Variants in TRIP12 observed in about 807,000 individuals in gnomAD.
The protein encoded by TRIP12 is E3 ubiquitin-protein ligase TRIP12.
Under a neutral mutation model 244.2 loss-of-function variants are expected in TRIP12, and 25 were observed. The ratio of observed to expected loss-of-function variants is 0.10; its 90% CI spans 0.07 to 0.14. The LOEUF (loss-of-function observed/expected upper bound fraction) is 0.14, where lower values mean the gene tolerates loss of function less well. TRIP12 is among the 10% of genes least tolerant of loss of function. The pLI is 1.00. For synonymous variants in TRIP12, 905 were observed against 873.1 expected (o/e 1.04, Z -0.64); for missense variants, 1,677 against 2,486.4 (o/e 0.67, Z 6.92).
Position 229,798,920 on chromosome 2 carries a change from C to T in TRIP12, c.3437G>A (p.Ser1146Asn). The T allele has an allele frequency of 6.2e-7, 1 of 1,614,204 alleles. No homozygotes were observed. The change falls in exon 23 of 42, where the codon AGT (serine) becomes AAT (asparagine). Residue 1146 changes from serine (S) to asparagine (N), a missense_variant. Ser to Asn is a conservative substitution (Grantham distance 46). Transcript: ENST00000675903. ...CTTTGAGGCAGCCCTGGCAAGGCCA[C>T]TACCTCCCGCAGTCCGTGCTGGCTC... ...NIEPARTAGG[S>N]GLARAASKDT...
intron 4 of TRIP12, among the ~76,000 whole-genome samples, chr2:229,841,880 A>G (rs2056500970): frequency 2.0e-5 from 3 of 152,230 alleles, no homozygotes; most frequent in South Asian, 2.1e-4. Context: ...AAGCAGCAGT[A>G]AAAGAACTGG....
At chr2:229,808,436 A>C (rs2046415363) in intron 15 of TRIP12, 67 bp from the exon 16 acceptor site, 2 of 997,610 alleles carry the variant, frequency 2.0e-6, no homozygotes, top group Non-Finnish European at 3.1e-6. Flanking sequence ...TCAAAGGCAA[A>C]CATTGCCCAA....
intron 1 of TRIP12, among the ~76,000 whole-genome samples, chr2:229,911,632 C>G (rs1285795235): frequency 6.6e-6 from 1 of 152,114 alleles, no homozygotes; most frequent in Non-Finnish European, 1.5e-5. Flanking sequence ...TGATGGTATG[C>G]TAATTACCCT....
rs536902635 is a variant in TRIP12 at position 229,793,069 on chromosome 2, G to A, written c.4045C>T (p.Pro1349Ser). The A allele has an allele frequency of 1.9e-6, 3 of 1,613,882 alleles. No individual in the cohort carries two copies. The highest frequency in any genetic ancestry group is 1.7e-6 in the Non-Finnish European group (2 of 1,179,892). ...HQLKCQLQRHPDCANVKQWKG... is the reference protein window; with the variant it reads ...HQLKCQLQRHSDCANVKQWKG... Reference sequence around the variant, plus strand: ...CACTGCTTCACATTTGCACAGTCTGGATGCCTTTGTAACTGGCATTTTAAT... The same window carrying A: ...CACTGCTTCACATTTGCACAGTCTGAATGCCTTTGTAACTGGCATTTTAAT... The change falls in exon 27 of 42, where the codon CCA becomes TCA. Residue 1349 changes from proline (P) to serine (S), a missense_variant. This residue lies in a region of TRIP12 where 265 missense variants were observed against 370.8 expected (regional missense o/e 0.71). Coordinates refer to ENST00000675903, the MANE Select transcript of TRIP12 (RefSeq NM_001348323.3).
At chr2:229,872,964 A>G (rs2062949238) in intron 2 of TRIP12, among the ~76,000 whole-genome samples, 1 of 152,236 alleles carries the variant, frequency 6.6e-6, no homozygotes, top group Non-Finnish European at 1.5e-5. Context: ...TATCAGCTAA[A>G]CCAATTAAAA....
At chr2:229,780,626 A>G (rs1559352777) in intron 34 of TRIP12, among the ~76,000 whole-genome samples, 3 of 151,942 alleles carry the variant, frequency 2.0e-5, no homozygotes, top group Non-Finnish European at 4.4e-5. Flanking sequence ...TCATCCTCCA[A>G]CAGGCTAGGA....
At chr2:229,909,557 TA>T (rs770353018) in intron 1 of TRIP12, among the ~76,000 whole-genome samples, 1,460 of 121,284 alleles carry the variant, frequency 0.012, 7 homozygotes, top group African/African-American at 0.025. Context: ...AGACCTTGTC[TA>T]AAAAAAAAAA....
At chr2:229,899,771 G>C (rs1303914576) in intron 1 of TRIP12, among the ~76,000 whole-genome samples, 2 of 152,170 alleles carry the variant, frequency 1.3e-5, no homozygotes, top group African/African-American at 4.8e-5. Flanking sequence ...GAGGCAAAAA[G>C]GGAGTTCTAG....
chr2:229,800,913 A>C (rs1252412556), intron 21 of TRIP12, among the ~76,000 whole-genome samples: 1 of 152,164 alleles, frequency 6.6e-6, no homozygotes, highest in Non-Finnish European at 1.5e-5. Flanking sequence ...TCTTTTTGAA[A>C]AAAAGAAAAA....
intron 34 of TRIP12, 89 bp downstream of exon 34, chr2:229,785,668 T>C: frequency 2.4e-6 from 3 of 1,232,324 alleles, no homozygotes; most frequent in Non-Finnish European, 3.4e-6. Context: ...CAACTGTCTT[T>C]CAGAATTTCA....
At chr2:229,866,681 C>T (rs9288651) in intron 2 of TRIP12, among the ~76,000 whole-genome samples, 40,460 of 152,054 alleles carry the variant, frequency 0.27, 6,048 homozygotes, top group East Asian at 0.4. Flanking sequence ...CAAGTCCCAA[C>T]AGGGCACATA....
rs766845597 is a variant in TRIP12 at position 229,777,399 on chromosome 2, G to A, written c.5445C>T (p.Asp1815=). The part of the protein sequence containing the change: ...ETSLTSHDLF[D]IDPVVARSVY... ...CTGATCTGGCTACAACTGGGTCGAT[G>A]TCAAACAAATCGTGTGATGTCAGTG... The change falls in exon 37 of 42, where the codon GAC becomes GAT. Residue 1815 remains aspartate (D), a synonymous_variant. Coordinates refer to ENST00000675903, the MANE Select transcript of TRIP12 (RefSeq NM_001348323.3). 3.1e-6 allele frequency: 5 copies of A among 1,613,956 alleles called. No homozygotes were observed. Among genetic ancestry groups the A allele is most frequent in the South Asian group, 1.1e-5 (1 of 91,078 alleles).
chr2:229,911,576 G>A (rs534118526), intron 1 of TRIP12, among the ~76,000 whole-genome samples: 4 of 152,246 alleles, frequency 2.6e-5, no homozygotes, highest in Non-Finnish European at 5.9e-5. Flanking sequence ...TAGCTAGAGG[G>A]AAGATATTGA....
intron 5 of TRIP12, among the ~76,000 whole-genome samples, chr2:229,840,347 C>T (rs2056083454): frequency 6.6e-6 from 1 of 151,992 alleles, no homozygotes; most frequent in African/African-American, 2.4e-5. Flanking sequence ...GAGAAATTCA[C>T]AAAGATAATA....
chr2:229,867,917 C>T (rs1013675986), intron 2 of TRIP12, among the ~76,000 whole-genome samples: 6 of 152,276 alleles, frequency 3.9e-5, no homozygotes, highest in South Asian at 4.1e-4. Flanking sequence ...AAATTTAACA[C>T]GGGTACTACT....
At chr2:229,779,193 G>T (rs903098903) in intron 34 of TRIP12, among the ~76,000 whole-genome samples, 1 of 152,162 alleles carries the variant, frequency 6.6e-6, no homozygotes, top group South Asian at 2.1e-4. Context: ...TTTCCTAGCC[G>T]CTAAGGCCCC....
chr2:229,851,360 T>G (rs1237022607), intron 4 of TRIP12, among the ~76,000 whole-genome samples: 1 of 152,038 alleles, frequency 6.6e-6, no homozygotes, highest in African/African-American at 2.4e-5. Flanking sequence ...AACCTTTGTG[T>G]CAACACTCTG....
At chr2:229,905,742 G>A (rs2072553544) in intron 1 of TRIP12, among the ~76,000 whole-genome samples, 1 of 152,120 alleles carries the variant, frequency 6.6e-6, no homozygotes, top group Non-Finnish European at 1.5e-5. Context: ...TAAAAGCTGG[G>A]GGAGGAGGGT....
In TRIP12 at chr2:229,859,462, C is replaced by T; in HGVS notation, c.337G>A (p.Gly113Arg). 1 of 1,614,166 alleles carries T rather than the reference C, an allele frequency of 6.2e-7. No individual in the cohort carries two copies. Among genetic ancestry groups the T allele is most frequent in the Non-Finnish European group, 8.5e-7 (1 of 1,180,036 alleles). The change falls in exon 4 of 42, where the codon GGA (glycine) becomes AGA (arginine). Residue 113 changes from glycine to arginine, a missense_variant. By Grantham distance (125) the Gly-to-Arg change is moderately radical. Coordinates refer to ENST00000675903, the MANE Select transcript of TRIP12 (RefSeq NM_001348323.3). ...GQVPKKDNSR[G>R]VKRSASPDYN... ...TCTGGACTAGCACTGCGCTTCACTC[C>T]TCGAGAATTGTCTTTCTTAGGCACC...
Sources: allele counts gnomAD v4.1 joint callset (sites outside exome capture counted in the v4.1 genomes callset), GRCh38; gene constraint gnomAD v4.1.1; regional missense constraint gnomAD v4.1.1; transcripts MANE v1.5; gene names NCBI Gene and HGNC (gene_info 2026-07-23, HGNC 2026-07-21).